RYR2: variants seen among roughly 807,000 people sequenced by gnomAD.
RYR2 encodes the protein cardiac muscle ryanodine receptor-calcium release channel.
RYR2 carries 227 observed loss-of-function variants against 601.1 expected under a neutral mutation model. The observed-to-expected ratio is 0.38, with a 90% CI of 0.34 to 0.42. The LOEUF (loss-of-function observed/expected upper bound fraction) is 0.42, where lower values mean the gene tolerates loss of function less well. Among genes scored for constraint, RYR2 ranks in the 10% least tolerant of loss-of-function variants. The pLI is 1.00. For missense variants in RYR2, 4,646 were observed against 6,156.5 expected, an observed-to-expected ratio of 0.75 and a Z score of 8.21; for synonymous variants, 2,223 against 2,175.1, an observed-to-expected ratio of 1.02 and a Z score of -0.61.
intron 26 of RYR2, among the ~76,000 whole-genome samples, chr1:237,549,164 C>T (rs543170173): frequency 6.6e-6 from 1 of 152,264 alleles, no homozygotes; most frequent in East Asian, 1.9e-4. Flanking sequence ...GTTACTGTTG[C>T]AGATCATTTT....
intron 3 of RYR2, among the ~76,000 whole-genome samples, chr1:237,343,259 A>G (rs1449757375): frequency 1.3e-5 from 2 of 152,202 alleles, no homozygotes; most frequent in Non-Finnish European, 2.9e-5. Context: ...CACAACAATG[A>G]ATGAGATTGG....
At chr1:237,196,759 C>T (rs1024613010) in intron 1 of RYR2, among the ~76,000 whole-genome samples, 13 of 152,090 alleles carry the variant, frequency 8.5e-5, no homozygotes, top group Middle Eastern at 3.2e-3. Flanking sequence ...GGGCACTTTG[C>T]ATTTTGACAC....
In RYR2 at chr1:237,093,850, C is replaced by T. The variant is rs574529802; in HGVS notation, c.48+51281C>T. 8.5e-5 allele frequency among the ~76,000 whole-genome samples: 13 copies of T among 152,324 alleles called. No homozygotes were observed. The South Asian group carries it at 2.5e-3, about 29-fold the overall frequency. ...CCTGTGTTTCCTGGGGTTCTTCTCA[C>T]GCTGCTGTGAATTAGGCCACCTTGA... On this transcript the variant is annotated intron_variant, in intron 1 of 104. Transcript: ENST00000366574.
intron 1 of RYR2, among the ~76,000 whole-genome samples, chr1:237,161,095 T>C (rs965761775): frequency 6.6e-6 from 1 of 152,124 alleles, no homozygotes; most frequent in African/African-American, 2.4e-5. Flanking sequence ...TATTTATAGA[T>C]TAGGAATTAT....
At chr1:237,581,648 ATTCAGAAGTCTGGTT>A (rs770385325) in intron 29 of RYR2, among the ~76,000 whole-genome samples, 27 of 152,314 alleles carry the variant, frequency 1.8e-4, no homozygotes, top group South Asian at 8.3e-4. Flanking sequence ...TGGGTGGCTT[ATTCAGAAGTCTGGTT>A]TTCAACATGG....
intron 10 of RYR2, among the ~76,000 whole-genome samples, chr1:237,394,515 A>G (rs1572123745): frequency 6.6e-6 from 1 of 152,184 alleles, no homozygotes; most frequent in African/African-American, 2.4e-5. Context: ...CTGCTTTAGC[A>G]CCTGCCTGCG....
intron 27 of RYR2, among the ~76,000 whole-genome samples, chr1:237,556,446 GC>G (rs1375966916): frequency 2.0e-5 from 3 of 148,720 alleles, no homozygotes; most frequent in African/African-American, 7.4e-5. Flanking sequence ...GACTACATGC[GC>G]CTGCCACGAG....
At chr1:237,656,249 G>T (rs887009542) in intron 53 of RYR2, among the ~76,000 whole-genome samples, 3 of 152,120 alleles carry the variant, frequency 2.0e-5, no homozygotes, top group African/African-American at 7.2e-5. Flanking sequence ...AATTAAGAAA[G>T]TATGTCAGTT....
intron 14 of RYR2, among the ~76,000 whole-genome samples, chr1:237,447,022 C>T (rs1437140000): frequency 2.0e-5 from 3 of 152,106 alleles, no homozygotes; most frequent in Non-Finnish European, 4.4e-5. Flanking sequence ...CTGATCAATC[C>T]TATGATAGGG....
intron 1 of RYR2, among the ~76,000 whole-genome samples, chr1:237,055,848 C>A (rs188821336): frequency 6.6e-6 from 1 of 152,282 alleles, no homozygotes; most frequent in East Asian, 1.9e-4. Flanking sequence ...ATGACTAGTG[C>A]CCTCCTAACA....
At chr1:237,198,358 C>T (rs1307207284) in intron 1 of RYR2, among the ~76,000 whole-genome samples, 4 of 151,326 alleles carry the variant, frequency 2.6e-5, no homozygotes, top group Admixed American at 1.3e-4. Flanking sequence ...TTGTGGTGTG[C>T]GGTGTTATAA....
rs1036238961 is a variant in RYR2, at chr1:237,832,742, T to G, written c.*95T>G. ...TCTTGGAAACATTTTGCTGATTTTG[T>G]GAATTGCCAGCGTTGTGTGTTTTCT... On this transcript the variant is annotated 3_prime_UTR_variant, in exon 105 of 105. Transcript: ENST00000366574. 3 of 671,456 alleles carry G rather than the reference T, an allele frequency of 4.5e-6. No homozygotes were observed. Among genetic ancestry groups the G allele is most frequent in the Non-Finnish European group, 5.1e-6 (2 of 394,740 alleles). The allele number at this position is 671,456 out of a possible 1,614,324, so 41.6% of individuals were successfully genotyped here.
At chr1:237,337,049 G>C (rs893209779) in intron 3 of RYR2, among the ~76,000 whole-genome samples, 7 of 151,754 alleles carry the variant, frequency 4.6e-5, no homozygotes, top group Non-Finnish European at 1.0e-4. Flanking sequence ...TCAGGAATTC[G>C]AGACCAGCCT....
At chr1:237,823,793 TAAA>T in intron 101 of RYR2, among the ~76,000 whole-genome samples, 1 of 151,972 alleles carries the variant, frequency 6.6e-6, no homozygotes, top group East Asian at 1.9e-4. Flanking sequence ...GCCAGACTAA[TAAA>T]GAAGAAAAGA....
chr1:237,088,938 C>G (rs576531749), intron 1 of RYR2, among the ~76,000 whole-genome samples: 12 of 152,198 alleles, frequency 7.9e-5, no homozygotes, highest in Non-Finnish European at 1.6e-4. Context: ...CCTTTCTTGC[C>G]TGAGTTTCCA....
chr1:237,738,495 G>A (rs1691335292), intron 79 of RYR2, among the ~76,000 whole-genome samples: 1 of 151,988 alleles, frequency 6.6e-6, no homozygotes, highest in African/African-American at 2.4e-5. Flanking sequence ...TGCTCAAGAT[G>A]CCCTTGCTTT....
intron 84 of RYR2, among the ~76,000 whole-genome samples, chr1:237,770,483 C>T (rs1183975689): frequency 6.6e-6 from 1 of 152,050 alleles, no homozygotes; most frequent in Non-Finnish European, 1.5e-5. Context: ...GTACACCTTG[C>T]CAAATACAAG....
chr1:237,284,682 G>A (rs75356021), intron 2 of RYR2, among the ~76,000 whole-genome samples: 1 of 13,798 alleles, frequency 7.2e-5, no homozygotes, highest in African/African-American at 4.5e-4. Flanking sequence ...ATATATATAT[G>A]TACACACACA....
chr1:237,376,066 T>A (rs2149787925), intron 7 of RYR2, among the ~76,000 whole-genome samples: 1 of 152,324 alleles, frequency 6.6e-6, no homozygotes, highest in African/African-American at 2.4e-5. Flanking sequence ...TTTTTCTTCC[T>A]TCTTTTTTGA....
Sources: allele counts gnomAD v4.1 joint callset (sites outside exome capture counted in the v4.1 genomes callset), GRCh38; gene constraint gnomAD v4.1.1; transcripts MANE v1.5; gene names NCBI Gene and HGNC (gene_info 2026-07-23, HGNC 2026-07-21).